The following CDH13 variants were observed in gnomAD, a reference collection of about 807,000 sequenced individuals.
CDH13 encodes the protein cadherin 13.
CDH13 carries 24 observed loss-of-function variants against 63.8 expected under a neutral mutation model. The observed-to-expected ratio is 0.38, with a 90% CI of 0.27 to 0.53. The LOEUF is 0.53. Ranked by LOEUF, CDH13 falls within the 20% of genes least tolerant of loss-of-function variation. The pLI is 0.85. For synonymous variants in CDH13, 503 were observed against 355.3 expected (o/e 1.42, Z -4.67); for missense variants, 1,049 against 903.1 (o/e 1.16, Z -2.07).
Position 82,893,103 on chromosome 16 carries a change from T to G in CDH13, c.157+34630T>G, listed in dbSNP as rs375789440. 4.2e-4 allele frequency among the ~76,000 whole-genome samples: 64 copies of G among 152,360 alleles called. 1 individual carries two copies. The highest frequency in any genetic ancestry group is 3.1e-3 in the South Asian group (15 of 4,830). The stretch of plus-strand genomic sequence containing the variant: ...TTCTAATGTGAACAACCATGATTCC[T>G]GAATTCCATGTAAATTAGCACTACA... On this transcript the variant is annotated intron_variant, in intron 2 of 13. Transcript: ENST00000567109.
At chr16:83,423,454 T>G (rs2071778444) in intron 6 of CDH13, among the ~76,000 whole-genome samples, 1 of 152,128 alleles carries the variant, frequency 6.6e-6, no homozygotes, top group South Asian at 2.1e-4. Context: ...ATCTCGCATC[T>G]TTTAAACTGA....
intron 1 of CDH13, among the ~76,000 whole-genome samples, chr16:82,767,535 C>G (rs1015506161): frequency 6.6e-6 from 1 of 152,308 alleles, no homozygotes; most frequent in Non-Finnish European, 1.5e-5. Context: ...ACCCTGATGC[C>G]AGATTTAAAT....
intron 2 of CDH13, among the ~76,000 whole-genome samples, chr16:83,020,430 A>T (rs1915240104): frequency 6.6e-6 from 1 of 152,126 alleles, no homozygotes; most frequent in Non-Finnish European, 1.5e-5. Context: ...AGGATCCCCA[A>T]AGCCATGTAC....
chr16:83,599,818 T>C (rs1339554132), intron 7 of CDH13, among the ~76,000 whole-genome samples: 1 of 152,188 alleles, frequency 6.6e-6, no homozygotes, highest in African/African-American at 2.4e-5. Flanking sequence ...CAAAAATAAG[T>C]AACAATGTTT....
chr16:82,692,240 A>C (rs555148999), intron 1 of CDH13, among the ~76,000 whole-genome samples: 114 of 152,334 alleles, frequency 7.5e-4, no homozygotes, highest in African/African-American at 2.7e-3. Flanking sequence ...ATTAGGCTCA[A>C]ATGTTCACAC....
intron 1 of CDH13, among the ~76,000 whole-genome samples, chr16:82,649,727 T>G (rs1567589625): frequency 6.6e-6 from 1 of 151,578 alleles, no homozygotes; most frequent in South Asian, 2.1e-4. Flanking sequence ...TAAGAAGACA[T>G]GGAAAAATGG....
At chr16:82,703,208 C>T (rs760837258) in intron 1 of CDH13, among the ~76,000 whole-genome samples, 2 of 88,194 alleles carry the variant, frequency 2.3e-5, no homozygotes, top group Non-Finnish European at 4.2e-5. Flanking sequence ...ATGTATACTA[C>T]ACACACACAC....
intron 5 of CDH13, among the ~76,000 whole-genome samples, chr16:83,244,193 A>T (rs1035257209): frequency 2.0e-5 from 3 of 152,020 alleles, no homozygotes; most frequent in Non-Finnish European, 4.4e-5. Context: ...CTTTATTGAT[A>T]GTGTTTGTTT....
At chr16:83,230,291 A>G (rs998163239) in intron 5 of CDH13, among the ~76,000 whole-genome samples, 1 of 152,108 alleles carries the variant, frequency 6.6e-6, no homozygotes, top group Non-Finnish European at 1.5e-5. Flanking sequence ...TCTGCTCCCA[A>G]ATAAAAAGGA....
chr16:83,746,076 T>C (rs17699377), intron 10 of CDH13, among the ~76,000 whole-genome samples: 40,970 of 152,182 alleles, frequency 0.27, 6,031 homozygotes, highest in Middle Eastern at 0.36. Flanking sequence ...AGTGGGGATA[T>C]TATACCTACT....
At chr16:82,683,819 C>T (rs967789196) in intron 1 of CDH13, among the ~76,000 whole-genome samples, 1 of 152,134 alleles carries the variant, frequency 6.6e-6, no homozygotes, top group East Asian at 1.9e-4. Flanking sequence ...TCTATTTTTG[C>T]TTTCTGGTGA....
intron 1 of CDH13, among the ~76,000 whole-genome samples, chr16:82,657,991 A>G (rs934902979): frequency 2.0e-5 from 3 of 152,222 alleles, no homozygotes; most frequent in Non-Finnish European, 4.4e-5. Context: ...TTGCCTTGCT[A>G]CTGATCTTAT....
chr16:83,759,127 G>A (rs6563976), intron 11 of CDH13, among the ~76,000 whole-genome samples: 38,656 of 152,052 alleles, frequency 0.25, 7,349 homozygotes, highest in African/African-American at 0.54. Flanking sequence ...TTACACTACC[G>A]TACATATATC....
chr16:83,005,390 C>T (rs1036892823), intron 2 of CDH13, among the ~76,000 whole-genome samples: 2 of 152,168 alleles, frequency 1.3e-5, no homozygotes, highest in Non-Finnish European at 2.9e-5. Flanking sequence ...CCTCCTGTAA[C>T]CTGTGGGCAT....
At chr16:83,503,139 G>C (rs998309815) in intron 7 of CDH13, among the ~76,000 whole-genome samples, 1 of 152,190 alleles carries the variant, frequency 6.6e-6, no homozygotes, top group Admixed American at 6.5e-5. Context: ...ACATCATCAG[G>C]TAAGCAAGGG....
intron 13 of CDH13, among the ~76,000 whole-genome samples, chr16:83,785,954 C>G (rs1915851797): frequency 6.6e-6 from 1 of 152,102 alleles, no homozygotes; most frequent in Non-Finnish European, 1.5e-5. Flanking sequence ...CGTGCTGGTT[C>G]CTTCGGTTCA....
chr16:83,224,860 T>G (rs1409627306), intron 5 of CDH13, among the ~76,000 whole-genome samples: 1 of 152,198 alleles, frequency 6.6e-6, no homozygotes, highest in Admixed American at 6.5e-5. Flanking sequence ...GTTCCGGAAT[T>G]GGGAGCCAGC....
chr16:83,483,773 G>A (rs1458714471), intron 6 of CDH13, among the ~76,000 whole-genome samples: 1 of 152,088 alleles, frequency 6.6e-6, no homozygotes, highest in Non-Finnish European at 1.5e-5. Context: ...TTCTGATGGG[G>A]ATATCCTTAA....
chr16:83,138,896 A>G (rs1259412728), intron 4 of CDH13, among the ~76,000 whole-genome samples: 1 of 152,132 alleles, frequency 6.6e-6, no homozygotes, highest in Non-Finnish European at 1.5e-5. Flanking sequence ...GGGGGATACC[A>G]GGCAACACTG....
Sources: allele counts gnomAD v4.1 joint callset (sites outside exome capture counted in the v4.1 genomes callset), GRCh38; gene constraint gnomAD v4.1.1; transcripts MANE v1.5; gene names NCBI Gene and HGNC (gene_info 2026-07-23, HGNC 2026-07-21).